The following IQANK1 variants were observed in gnomAD, a reference collection of about 807,000 sequenced individuals.
IQANK1 encodes IQ motif and ankyrin repeat containing 1.
In IQANK1, 30 loss-of-function variants were observed where a neutral mutation model predicts 22.6. That is an observed-to-expected ratio of 1.33 (90% confidence interval 0.99 to 1.80). The LOEUF is 1.80. IQANK1 is among the 40% of genes most tolerant of loss of function. IQANK1 has a pLI of 0.00. For synonymous variants in IQANK1, 122 were observed against 99.6 expected, an observed-to-expected ratio of 1.23 and a Z score of -1.34; for missense variants, 275 against 235.2, an observed-to-expected ratio of 1.17 and a Z score of -1.11.
intron 7 of IQANK1, among the ~76,000 whole-genome samples, chr8:143,781,688 T>C (rs1360005752): frequency 6.6e-6 from 1 of 152,210 alleles, no homozygotes; most frequent in East Asian, 1.9e-4. Context: ...TATGTGCTTG[T>C]GTAGTACCAT....
chr8:143,738,722 C>T (rs1354462353), intron 2 of IQANK1, among the ~76,000 whole-genome samples: 2 of 152,182 alleles, frequency 1.3e-5, no homozygotes, highest in African/African-American at 2.4e-5. Flanking sequence ...CCGGCTCCCC[C>T]GGTCCCACAG....
At chr8:143,737,179 C>T (rs1329815119) in intron 2 of IQANK1, among the ~76,000 whole-genome samples, 1 of 152,240 alleles carries the variant, frequency 6.6e-6, no homozygotes, top group African/African-American at 2.4e-5. Flanking sequence ...CAATCTCTAG[C>T]CCTGAGTACA....
intron 7 of IQANK1, among the ~76,000 whole-genome samples, chr8:143,785,027 T>C (rs1819861033): frequency 6.6e-6 from 1 of 152,244 alleles, no homozygotes; most frequent in African/African-American, 2.4e-5. Flanking sequence ...CCATGCACTT[T>C]GTCCTTAATT....
At chr8:143,767,142 A>G (rs1554629291) in intron 3 of IQANK1, among the ~76,000 whole-genome samples, 1 of 152,254 alleles carries the variant, frequency 6.6e-6, no homozygotes, top group Admixed American at 6.5e-5. Flanking sequence ...TTTCGCAGAT[A>G]CATTCCAGAA....
In IQANK1 at chr8:143,739,870, G is replaced by C; in HGVS notation, c.97G>C (p.Glu33Gln). The C allele has an allele frequency of 4.3e-6, 3 of 695,314 alleles. No individual in the cohort carries two copies. The highest frequency in any genetic ancestry group is 5.2e-6 in the Non-Finnish European group (2 of 381,942). 43.1% of individuals were successfully genotyped at this position (695,314 alleles called of 1,614,324 possible). A position where few individuals can be genotyped will look rare whatever the true frequency, so the allele number is the denominator to read the frequency against. The change falls in exon 3 of 14, where the codon GAG (glutamate) becomes CAG (glutamine). Residue 33 changes from glutamate (E) to glutamine (Q), a missense_variant. Physicochemically the swap from Glu to Gln is conservative, Grantham distance 29. Transcript: ENST00000527139. ...KTRAAAGKPG[E>Q]NRPPQRKAGW... ...TCGTTTTCCCTTAGGGAAGCCCGGG[G>C]AGAACCGCCCGCCGCAGAGGAAAGC...
chr8:143,770,329 T>C (rs1298160241), intron 3 of IQANK1, among the ~76,000 whole-genome samples: 3 of 152,234 alleles, frequency 2.0e-5, no homozygotes, highest in African/African-American at 7.2e-5. Flanking sequence ...GCTTGCATTG[T>C]CAGTCTCTGC....
At chr8:143,746,171 C>T (rs1043161326) in intron 3 of IQANK1, 18 of 152,346 alleles carry the variant, frequency 1.2e-4, no homozygotes, top group African/African-American at 4.3e-4. Flanking sequence ...TGCCTAACTG[C>T]TCTGTCTAGA....
chr8:143,755,175 GATACA>G (rs1819268505), intron 3 of IQANK1, among the ~76,000 whole-genome samples: 2 of 152,092 alleles, frequency 1.3e-5, no homozygotes, highest in Admixed American at 6.6e-5. Context: ...ATATTCTCAG[GATACA>G]ATCTCCCAAC....
At chr8:143,755,552 T>G (rs1328843246) in intron 3 of IQANK1, among the ~76,000 whole-genome samples, 2 of 151,990 alleles carry the variant, frequency 1.3e-5, no homozygotes, top group African/African-American at 4.8e-5. Context: ...TTAGTAGAGA[T>G]GGGGTTTCAT....
intron 7 of IQANK1, among the ~76,000 whole-genome samples, chr8:143,780,891 G>T (rs1175272451): frequency 2.6e-5 from 4 of 152,140 alleles, no homozygotes; most frequent in Non-Finnish European, 5.9e-5. Flanking sequence ...AGGTCTTTGA[G>T]GAATTCCCAT....
chr8:143,748,488 AGAT>A (rs1377143028), intron 3 of IQANK1, among the ~76,000 whole-genome samples: 3 of 140,850 alleles, frequency 2.1e-5, no homozygotes, highest in Admixed American at 7.8e-5. Flanking sequence ...ATATAAATAT[AGAT>A]GATATATATG....
At chr8:143,736,109 A>G (rs1818730868) in intron 2 of IQANK1, among the ~76,000 whole-genome samples, 171 bp downstream of exon 2, 1 of 149,460 alleles carries the variant, frequency 6.7e-6, no homozygotes, top group Non-Finnish European at 1.5e-5. Context: ...TTCAGAGCCC[A>G]TTCATTCATC....
In IQANK1 at chr8:143,758,290, C is replaced by T. The variant is rs781985758; in HGVS notation, c.176-13198C>T. On this transcript the variant is annotated intron_variant, in intron 3 of 13. Coordinates refer to ENST00000527139, the MANE Select transcript of IQANK1 (RefSeq NM_001381874.1). This position sits in a 1 kb window ranked among gnomAD's most constrained non-coding sequence, Gnocchi z 4.2. ...GGCCAGCCTGACCAACATGGAGAAA[C>T]TTCGTCTCTACTGAAAATACAAAAT... The T allele has an allele frequency of 6.6e-6, 1 of 152,228 alleles. No homozygotes were observed. Among genetic ancestry groups the T allele is most frequent in the Non-Finnish European group, 1.5e-5 (1 of 68,086 alleles). The allele number at this position is 152,228 out of a possible 1,614,324, so 9.4% of individuals were successfully genotyped here. A position where few individuals can be genotyped will look rare whatever the true frequency, so the allele number is the denominator to read the frequency against.
Position 143,790,035 on chromosome 8 carries a change from T to G in IQANK1, c.1260T>G (p.Asp420Glu). The G allele has an allele frequency of 8.1e-7, 1 of 1,232,090 alleles. No individual in the cohort carries two copies. The highest frequency in any genetic ancestry group is 1.0e-6 in the Non-Finnish European group (1 of 988,006). The allele number at this position is 1,232,090 out of a possible 1,614,324, so 76.3% of individuals were successfully genotyped here. Residue 420 changes from aspartate to glutamate, a missense_variant, in exon 12 of 14, where the codon GAT becomes GAG. Asp to Glu is a conservative substitution (Grantham distance 45). Coordinates refer to ENST00000527139, the MANE Select transcript of IQANK1 (RefSeq NM_001381874.1). The part of the protein sequence containing the change: ...VTELHDVLMK[D>E]VGNRIRADGR... Reference sequence around the variant, plus strand: ...AGCTGCACGATGTGCTGATGAAAGATGTAGGCAACCGCATCCGTGCCGATG... The same window carrying G: ...AGCTGCACGATGTGCTGATGAAAGAGGTAGGCAACCGCATCCGTGCCGATG...
chr8:143,775,824 C>CACACACACACACACA (rs1554630342), intron 7 of IQANK1, among the ~76,000 whole-genome samples: 1 of 93,230 alleles, frequency 1.1e-5, no homozygotes, highest in African/African-American at 8.6e-5. Context: ...ACACACACAC[C>CACACACACACACACA]ATTCCTAAAC....
intron 3 of IQANK1, among the ~76,000 whole-genome samples, chr8:143,753,008 T>G (rs1819223872): frequency 7.2e-6 from 1 of 138,366 alleles, no homozygotes; most frequent in Non-Finnish European, 1.6e-5. Flanking sequence ...TTTTTTTTTT[T>G]TTTTTTTTTT....
chr8:143,742,969 C>A (rs1554626806), intron 3 of IQANK1: 2 of 456,070 alleles, frequency 4.4e-6, no homozygotes, highest in Non-Finnish European at 8.8e-6. Flanking sequence ...ATCTATGGAC[C>A]CCTTCACCGG....
chr8:143,777,520 TAAA>T (rs58155811), intron 7 of IQANK1, among the ~76,000 whole-genome samples: 3 of 98,418 alleles, frequency 3.0e-5, no homozygotes, highest in African/African-American at 3.7e-5. Context: ...GACTCCGTCT[TAAA>T]AAAAAAAAAA....
chr8:143,771,995 G>T lies in IQANK1; in HGVS notation c.471+30G>T. 6.7e-6 allele frequency: 1 copy of T among 148,510 alleles called. No homozygotes were observed. Among genetic ancestry groups the T allele is most frequent in the East Asian group, 2.1e-4 (1 of 4,764 alleles). The allele number at this position is 148,510 out of a possible 1,614,324, so 9.2% of individuals were successfully genotyped here. ...GCGGGGGCGGGAGGAGGACGAGGGC[G>T]GGGGGTGGGGTGGGAGTGGGAGGAG... On this transcript the variant is annotated intron_variant, in intron 5 of 13. Coordinates refer to ENST00000527139, the MANE Select transcript of IQANK1 (RefSeq NM_001381874.1). This position sits in a 1 kb window ranked among gnomAD's most constrained non-coding sequence, Gnocchi z 6.0.
Sources: allele counts gnomAD v4.1 joint callset (sites outside exome capture counted in the v4.1 genomes callset), GRCh38; gene constraint gnomAD v4.1.1; non-coding constraint Gnocchi (gnomAD v3.1); transcripts MANE v1.5; gene names NCBI Gene and HGNC (gene_info 2026-07-23, HGNC 2026-07-21).